Variants in ARHGAP5 observed in about 807,000 individuals in gnomAD.
The protein encoded by ARHGAP5 is Rho GTPase activating protein 5, also known as rho GTPase-activating protein 5.
Under a neutral mutation model 116.6 loss-of-function variants are expected in ARHGAP5, and 23 were observed. The ratio of observed to expected loss-of-function variants is 0.20; its 90% CI spans 0.14 to 0.28. The LOEUF (loss-of-function observed/expected upper bound fraction) is 0.28. Among genes scored for constraint, ARHGAP5 ranks in the 10% least tolerant of loss-of-function variants. The pLI is 1.00. For synonymous variants in ARHGAP5, 574 were observed against 602.0 expected, an observed-to-expected ratio of 0.95 and a Z score of 0.68; for missense variants, 1,405 against 1,774.8, an observed-to-expected ratio of 0.79 and a Z score of 3.74.
intron 2 of ARHGAP5, among the ~76,000 whole-genome samples, chr14:32,103,725 G>A (rs966439627): frequency 7.2e-5 from 11 of 152,114 alleles, no homozygotes; most frequent in African/African-American, 2.7e-4. Flanking sequence ...GCAGTGTTAT[G>A]ATTTCTTGCT....
intron 2 of ARHGAP5, among the ~76,000 whole-genome samples, chr14:32,103,963 A>G (rs771766160): frequency 5.3e-5 from 8 of 152,228 alleles, no homozygotes; most frequent in Admixed American, 2.0e-4. Flanking sequence ...ACTTGCATAC[A>G]TTGTATAACA....
intron 3 of ARHGAP5, among the ~76,000 whole-genome samples, chr14:32,122,148 G>A (rs977321209): frequency 6.6e-6 from 1 of 152,180 alleles, no homozygotes; most frequent in Non-Finnish European, 1.5e-5. Flanking sequence ...CCCATCAGCA[G>A]TGTGAGTTCC....
rs965181396 is a variant in ARHGAP5, at chr14:32,158,460, C to T, written c.*3512C>T. On this transcript the variant is annotated 3_prime_UTR_variant, in exon 7 of 7. Coordinates refer to ENST00000345122, the MANE Select transcript of ARHGAP5 (RefSeq NM_001030055.2). ...CACTGGAAATATTTTGAAAACTATT[C>T]TAGTTATAGCAGAGCTGCTAATATT... 6.6e-6 allele frequency: 1 copy of T among 151,892 alleles called. No homozygotes were observed. Among genetic ancestry groups the T allele is most frequent in the African/African-American group, 2.4e-5 (1 of 41,410 alleles). The allele number at this position is 151,892 out of a possible 1,614,324, so 9.4% of individuals were successfully genotyped here.
intron 3 of ARHGAP5, among the ~76,000 whole-genome samples, chr14:32,118,067 A>G (rs1879695555): frequency 6.6e-6 from 1 of 152,206 alleles, no homozygotes; most frequent in Admixed American, 6.5e-5. Flanking sequence ...CATTGTTTAA[A>G]AAACAAAGTA....
intron 2 of ARHGAP5, among the ~76,000 whole-genome samples, chr14:32,101,552 T>C (rs1878791388): frequency 6.6e-6 from 1 of 152,126 alleles, no homozygotes; most frequent in Admixed American, 6.6e-5. Context: ...TGCTTTTTGT[T>C]TTTTAGTGTG....
At chr14:32,147,797 C>G (rs1312125356) in intron 4 of ARHGAP5, among the ~76,000 whole-genome samples, 3 of 152,122 alleles carry the variant, frequency 2.0e-5, no homozygotes, top group Non-Finnish European at 4.4e-5. Context: ...GTGTGTGTGA[C>G]TGTGTGTATA....
At chr14:32,088,371 TA>T (rs562977086) in intron 1 of ARHGAP5, among the ~76,000 whole-genome samples, 21 of 151,158 alleles carry the variant, frequency 1.4e-4, no homozygotes, top group African/African-American at 3.1e-4. Flanking sequence ...GCTTTTCTAA[TA>T]AAAAAAAAGA....
chr14:32,143,202 A>AGTAGTTGTTGTT (rs1555359264), intron 3 of ARHGAP5, among the ~76,000 whole-genome samples: 1 of 145,334 alleles, frequency 6.9e-6, no homozygotes. Flanking sequence ...ACATTATTTT[A>AGTAGTTGTTGTT]GTTGTTGTTG....
intron 2 of ARHGAP5, among the ~76,000 whole-genome samples, chr14:32,100,325 G>A (rs1459196752): frequency 6.6e-6 from 1 of 152,064 alleles, no homozygotes; most frequent in East Asian, 1.9e-4. Flanking sequence ...TCAGCCTCCT[G>A]AGTAGCCAGG....
intron 3 of ARHGAP5, among the ~76,000 whole-genome samples, chr14:32,138,694 A>G (rs966976299): frequency 6.6e-6 from 1 of 152,066 alleles, no homozygotes; most frequent in African/African-American, 2.4e-5. Flanking sequence ...GATATTATTT[A>G]TTTATTTTTC....
chr14:32,101,079 A>C (rs575315026), intron 2 of ARHGAP5, among the ~76,000 whole-genome samples: 214 of 152,084 alleles, frequency 1.4e-3, no homozygotes, highest in African/African-American at 4.9e-3. Flanking sequence ...CTTCTTTTTA[A>C]ATTGTTTTCC....
At chr14:32,131,079 A>G (rs1880460084) in intron 3 of ARHGAP5, among the ~76,000 whole-genome samples, 1 of 152,150 alleles carries the variant, frequency 6.6e-6, no homozygotes, top group Admixed American at 6.5e-5. Flanking sequence ...TCTTCACATA[A>G]CTGCAAAATA....
chr14:32,148,170 C>CTATCTATA (rs1881473406), intron 4 of ARHGAP5, among the ~76,000 whole-genome samples: 4 of 137,352 alleles, frequency 2.9e-5, no homozygotes, highest in Non-Finnish European at 6.6e-5. Context: ...AGAAATCTAT[C>CTATCTATA]TATCTATCTA....
intron 6 of ARHGAP5, among the ~76,000 whole-genome samples, chr14:32,153,450 T>G (rs1294596621): frequency 2.5e-5 from 3 of 120,034 alleles, no homozygotes; most frequent in Non-Finnish European, 5.4e-5. Context: ...AAAAAAAGAT[T>G]GTTTTATGGA....
intron 3 of ARHGAP5, among the ~76,000 whole-genome samples, chr14:32,132,927 T>C (rs1425247711): frequency 6.6e-6 from 1 of 152,232 alleles, no homozygotes; most frequent in Non-Finnish European, 1.5e-5. Flanking sequence ...AGGGCTCTGT[T>C]CTGTTCCATT....
At position 32,157,621 on chromosome 14, in the gene ARHGAP5, T is replaced by G. The variant is rs1478332565; in HGVS notation, c.*2673T>G. 6.6e-6 allele frequency: 1 copy of G among 152,146 alleles called. No homozygotes were observed. The allele number at this position is 152,146 out of a possible 1,614,324, so 9.4% of individuals were successfully genotyped here. A position where few individuals can be genotyped will look rare whatever the true frequency, so the allele number is the denominator to read the frequency against. On this transcript the variant is annotated 3_prime_UTR_variant, in exon 7 of 7. Coordinates refer to ENST00000345122, the MANE Select transcript of ARHGAP5 (RefSeq NM_001030055.2). ...AAGTCAAATTCTATTCAACAGACAC[T>G]TATTAGGATATACAACTAATTTAAG...
chr14:32,116,449 C>G (rs946932071), intron 2 of ARHGAP5, among the ~76,000 whole-genome samples: 1 of 137,586 alleles, frequency 7.3e-6, no homozygotes, highest in Non-Finnish European at 1.6e-5. Context: ...AATAATTAGC[C>G]GGGCGTGGTG....
chr14:32,152,640 C>T (rs1881695644), intron 6 of ARHGAP5, 112 bp downstream of exon 6: 11 of 533,042 alleles, frequency 2.1e-5, no homozygotes, highest in Non-Finnish European at 2.9e-5. Context: ...TCAGACTAAA[C>T]ATATAGTTGA....
In ARHGAP5 at chr14:32,154,762, C is replaced by G; in HGVS notation, c.4323C>G (p.Phe1441Leu). The G allele has an allele frequency of 3.1e-6, 5 of 1,614,188 alleles. No homozygotes were observed. Among genetic ancestry groups the G allele is most frequent in the Non-Finnish European group, 2.5e-6 (3 of 1,180,020 alleles). ...TTCATCAATCTGTTGTTGAAACATT[C>G]ATTCAGCAGTGTCAGTTTTTCTTTT... ...TKIHQSVVET[F>L]IQQCQFFFYN... is the part of the protein sequence containing the mutation. Residue 1441 changes from phenylalanine (F) to leucine (L), a missense_variant, in exon 7 of 7, where the codon TTC (phenylalanine) becomes TTG (leucine). By Grantham distance (22) the Phe-to-Leu change is conservative. Coordinates refer to ENST00000345122, the MANE Select transcript of ARHGAP5 (RefSeq NM_001030055.2).
Sources: gnomAD v4.1 joint callset for allele counts (sites outside exome capture counted in the v4.1 genomes callset) on GRCh38, gnomAD v4.1.1 for gene constraint, MANE v1.5 for transcripts, NCBI Gene and HGNC (gene_info 2026-07-23, HGNC 2026-07-21) for gene names.